Variants in CFAP299 observed in about 807,000 individuals in gnomAD.
The protein encoded by CFAP299 is cilia and flagella associated protein 299.
CFAP299 carries 21 observed loss-of-function variants against 27.0 expected under a neutral mutation model. The ratio of observed to expected loss-of-function variants is 0.78; its 90% CI spans 0.55 to 1.12. CFAP299 has a LOEUF of 1.12. CFAP299 is among the 50% of genes most tolerant of loss of function. CFAP299 has a pLI of 0.00. For synonymous variants in CFAP299, 104 were observed against 98.1 expected (o/e 1.06, Z -0.36); for missense variants, 310 against 276.6 (o/e 1.12, Z -0.86).
rs556499192 is a variant in CFAP299, at chr4:80,453,261, C to T, written c.242+90377C>T. On this transcript the variant is annotated intron_variant, in intron 2 of 5. Transcript: ENST00000358105. ...TGGAAAAGATCATGCTTTTGTTTAC[C>T]GAGACTTGCATATCACAAACATTTT... Among the ~76,000 whole-genome samples, 6 of 151,620 alleles carry T rather than the reference C, an allele frequency of 4.0e-5. No individual in the cohort carries two copies. The East Asian group carries it at 5.8e-4, about 15-fold the overall frequency.
At chr4:80,760,352 A>G (rs1228974954) in intron 3 of CFAP299, among the ~76,000 whole-genome samples, 1 of 152,188 alleles carries the variant, frequency 6.6e-6, no homozygotes, top group Non-Finnish European at 1.5e-5. Context: ...GGTGCCTGGA[A>G]GGAAGAAGAG....
chr4:80,739,376 G>T (rs924733795), intron 3 of CFAP299, among the ~76,000 whole-genome samples: 1 of 151,994 alleles, frequency 6.6e-6, no homozygotes, highest in Non-Finnish European at 1.5e-5. Flanking sequence ...CTCAGCTGTT[G>T]TTTATCTTGG....
chr4:80,604,795 C>T (rs1737558509), intron 3 of CFAP299, among the ~76,000 whole-genome samples: 1 of 150,928 alleles, frequency 6.6e-6, no homozygotes, highest in African/African-American at 2.4e-5. Context: ...ATAAATTTTA[C>T]AAGAGTATGA....
chr4:80,718,550 A>G (rs920540384), intron 3 of CFAP299, among the ~76,000 whole-genome samples: 1 of 152,098 alleles, frequency 6.6e-6, no homozygotes, highest in Non-Finnish European at 1.5e-5. Flanking sequence ...AAACATTGTA[A>G]GTGAAGACAA....
At chr4:80,686,218 T>C (rs1355041224) in intron 3 of CFAP299, among the ~76,000 whole-genome samples, 3 of 152,178 alleles carry the variant, frequency 2.0e-5, no homozygotes, top group African/African-American at 7.2e-5. Context: ...TTGCATAACC[T>C]TCTACTCATG....
At chr4:80,907,762 A>G (rs1421344355) in intron 4 of CFAP299, among the ~76,000 whole-genome samples, 1 of 152,178 alleles carries the variant, frequency 6.6e-6, no homozygotes, top group East Asian at 1.9e-4. Context: ...CGTGGGGATT[A>G]TGGGAACTAC....
chr4:80,418,844 A>G (rs1051661564), intron 2 of CFAP299, among the ~76,000 whole-genome samples: 3 of 152,202 alleles, frequency 2.0e-5, no homozygotes, highest in Non-Finnish European at 4.4e-5. Context: ...TTTAAGGCTG[A>G]ATAGTATTCC....
At chr4:80,636,270 T>C (rs753584139) in intron 3 of CFAP299, among the ~76,000 whole-genome samples, 1 of 152,138 alleles carries the variant, frequency 6.6e-6, no homozygotes, top group Non-Finnish European at 1.5e-5. Context: ...GACTCTTTAT[T>C]GTATCCTCAG....
chr4:80,616,516 A>C (rs967848924), intron 3 of CFAP299, among the ~76,000 whole-genome samples: 1 of 152,030 alleles, frequency 6.6e-6, no homozygotes, highest in East Asian at 1.9e-4. Context: ...ACAGATGAAA[A>C]AAAACAAACT....
At chr4:80,461,049 A>C (rs1729412425) in intron 2 of CFAP299, among the ~76,000 whole-genome samples, 1 of 152,208 alleles carries the variant, frequency 6.6e-6, no homozygotes, top group Non-Finnish European at 1.5e-5. Context: ...AGGTAGATTC[A>C]AAGATTTTCT....
At position 80,351,933 on chromosome 4, in the gene CFAP299, C is replaced by T. The variant is rs563842883; in HGVS notation, c.112-10821C>T. On this transcript the variant is annotated intron_variant, in intron 1 of 5. Transcript: ENST00000358105. Reference sequence around the variant, plus strand: ...TAATATAATGTTAATTTTATATTAACATTAATAGATAATTTTAAATAGATT... The same window carrying T: ...TAATATAATGTTAATTTTATATTAATATTAATAGATAATTTTAAATAGATT... Among the ~76,000 whole-genome samples the T allele has an allele frequency of 1.1e-3, 164 of 149,920 alleles. 1 individual carries two copies. The highest frequency in any genetic ancestry group is 2.0e-3 in the Non-Finnish European group (138 of 67,524).
At chr4:80,951,870 G>C (rs1246903542) in intron 5 of CFAP299, among the ~76,000 whole-genome samples, 2 of 152,180 alleles carry the variant, frequency 1.3e-5, no homozygotes, top group African/African-American at 4.8e-5. Flanking sequence ...GGACTGCACA[G>C]ACTAGAAAGC....
chr4:80,689,493 G>A (rs1720494897), intron 3 of CFAP299, among the ~76,000 whole-genome samples: 2 of 152,202 alleles, frequency 1.3e-5, no homozygotes, highest in South Asian at 2.1e-4. Flanking sequence ...AGCAAATGCT[G>A]AGAGATTTTG....
In CFAP299 at chr4:80,557,852, A is replaced by G. The variant is rs185925162; in HGVS notation, c.243-25241A>G. On this transcript the variant is annotated intron_variant, in intron 2 of 5. Transcript: ENST00000358105. ...GGCTACTTTAAAAGAGCATCATCAC[A>G]TATTTCCAAGATTGGTTTCCAGTTA... 6.4e-4 allele frequency among the ~76,000 whole-genome samples: 97 copies of G among 152,278 alleles called. 2 individuals are homozygous for G. The highest frequency in any genetic ancestry group is 2.3e-3 in the South Asian group (11 of 4,834).
intron 3 of CFAP299, among the ~76,000 whole-genome samples, chr4:80,815,104 CA>C (rs1400421553): frequency 1.3e-5 from 2 of 151,772 alleles, no homozygotes; most frequent in South Asian, 4.1e-4. Context: ...GCTGGAAGAA[CA>C]AACTAATCCC....
intron 4 of CFAP299, among the ~76,000 whole-genome samples, chr4:80,917,517 G>A (rs1735825265): frequency 6.6e-6 from 1 of 152,098 alleles, no homozygotes; most frequent in Admixed American, 6.6e-5. Flanking sequence ...ACTTACACAA[G>A]TATTGGAAGC....
chr4:80,922,365 A>C (rs1736089809), intron 4 of CFAP299, among the ~76,000 whole-genome samples: 1 of 152,090 alleles, frequency 6.6e-6, no homozygotes, highest in African/African-American at 2.4e-5. Flanking sequence ...GAAAACAGGT[A>C]AAATCTTTTC....
At chr4:80,542,651 T>A (rs1034969533) in intron 2 of CFAP299, among the ~76,000 whole-genome samples, 1 of 151,944 alleles carries the variant, frequency 6.6e-6, no homozygotes, top group Non-Finnish European at 1.5e-5. Flanking sequence ...TCTCTGCCAG[T>A]CCCTTCCAGA....
chr4:80,782,520 A>C (rs11944279), intron 3 of CFAP299, among the ~76,000 whole-genome samples: 9 of 146,022 alleles, frequency 6.2e-5, no homozygotes, highest in Non-Finnish European at 1.2e-4. Context: ...ATAACATATT[A>C]ATATATAATA....
Sources: allele counts gnomAD v4.1 joint callset (sites outside exome capture counted in the v4.1 genomes callset), GRCh38; gene constraint gnomAD v4.1.1; transcripts MANE v1.5; gene names NCBI Gene and HGNC (gene_info 2026-07-23, HGNC 2026-07-21).